The following FGF2 variants were observed in gnomAD, a reference collection of about 807,000 sequenced individuals.
FGF2 encodes fibroblast growth factor 2, also known as basic fibroblast growth factor bFGF.
In FGF2, 13 loss-of-function variants were observed where a neutral mutation model predicts 15.9. That is an observed-to-expected ratio of 0.82 (90% CI 0.53 to 1.30). The LOEUF is 1.30. FGF2 is among the 50% of genes most tolerant of loss of function. The pLI, the probability that FGF2 is intolerant of heterozygous loss-of-function variation, is 0.00. For synonymous variants in FGF2, 90 were observed against 78.4 expected (o/e 1.15, Z -0.78); for missense variants, 163 against 196.9 (o/e 0.83, Z 1.03).
rs1725667701 is a variant in FGF2 at position 122,827,468 on chromosome 4, TGGTTTCTGGCCGCGCGGCCCTCGGC to T, written c.178+123_178+147del. ...TTCACTGCGACCCTAGCGCTCCGTG[TGGTTTCTGGCCGCGCGGCCCTCGGC>T]GGTTTCGGGTTCACCACTCACCCCC... is the stretch of plus-strand genomic sequence containing the variant. On this transcript the variant is annotated intron_variant, in intron 1 of 2. Transcript: ENST00000644866. The surrounding 1 kb of genome is among the most constrained non-coding windows in gnomAD (Gnocchi z 4.2). 3 of 1,242,314 alleles carry T rather than the reference TGGTTTCTGGCCGCGCGGCCCTCGGC, an allele frequency of 2.4e-6. No homozygotes were observed. The highest frequency in any genetic ancestry group is 3.5e-6 in the Non-Finnish European group (3 of 869,458). The allele number at this position is 1,242,314 out of a possible 1,614,324, so 77.0% of individuals were successfully genotyped here. A position where few individuals can be genotyped will look rare whatever the true frequency, so the allele number is the denominator to read the frequency against.
intron 2 of FGF2, among the ~76,000 whole-genome samples, chr4:122,877,435 T>A (rs1267406557): frequency 3.3e-5 from 5 of 152,222 alleles, no homozygotes; most frequent in African/African-American, 1.2e-4. Context: ...TTTTCTTTTT[T>A]ACATGTTATC....
At chr4:122,862,500 G>T (rs1046260480) in intron 1 of FGF2, among the ~76,000 whole-genome samples, 14 of 152,160 alleles carry the variant, frequency 9.2e-5, no homozygotes, top group African/African-American at 3.4e-4. Context: ...CTAATGTGTT[G>T]AGTGCCAATG....
intron 1 of FGF2, among the ~76,000 whole-genome samples, chr4:122,834,620 A>C (rs1211680434): frequency 2.0e-5 from 3 of 152,194 alleles, no homozygotes; most frequent in African/African-American, 7.2e-5. Flanking sequence ...TCCTTTTGAA[A>C]CTGCCTTTGC....
At chr4:122,891,109 C>T (rs1727174510) in intron 2 of FGF2, among the ~76,000 whole-genome samples, 1 of 147,458 alleles carries the variant, frequency 6.8e-6, no homozygotes. Flanking sequence ...GGCGCGATCT[C>T]GGCTCACTGC....
intron 2 of FGF2, among the ~76,000 whole-genome samples, chr4:122,878,070 A>G (rs1222467741): frequency 6.6e-6 from 1 of 152,226 alleles, no homozygotes; most frequent in Non-Finnish European, 1.5e-5. Context: ...CATTGAGCTT[A>G]TAAAATTGAA....
upstream of FGF2, chr4:122,826,829 G>A: frequency 6.8e-7 from 1 of 1,472,882 alleles, no homozygotes; most frequent in Non-Finnish European, 9.0e-7. Context: ...GGCCCGGCGG[G>A]TGCCAGATTA....
chr4:122,830,973 T>C (rs1243528223), intron 1 of FGF2, among the ~76,000 whole-genome samples: 1 of 152,134 alleles, frequency 6.6e-6, no homozygotes, highest in Admixed American at 6.6e-5. Context: ...CACCCCAGTG[T>C]GGAGCAGGGG....
chr4:122,856,478 A>G (rs887069814), intron 1 of FGF2, among the ~76,000 whole-genome samples: 2 of 152,234 alleles, frequency 1.3e-5, no homozygotes, highest in African/African-American at 2.4e-5. Flanking sequence ...TGGAAGTTAC[A>G]CTAAAAGTAA....
chr4:122,888,512 GC>G (rs1727103793), intron 2 of FGF2, among the ~76,000 whole-genome samples: 1 of 152,096 alleles, frequency 6.6e-6, no homozygotes, highest in Admixed American at 6.6e-5. Flanking sequence ...TATGAGGTCT[GC>G]CCCCTCTCCC....
chr4:122,836,734 A>G (rs79624898), intron 1 of FGF2, among the ~76,000 whole-genome samples: 11,484 of 152,240 alleles, frequency 0.075, 646 homozygotes, highest in African/African-American at 0.15. Flanking sequence ...AAGTATAAAT[A>G]CTATAGTATG....
chr4:122,884,938 C>T (rs1727027829), intron 2 of FGF2, among the ~76,000 whole-genome samples: 1 of 152,084 alleles, frequency 6.6e-6, no homozygotes, highest in Non-Finnish European at 1.5e-5. Flanking sequence ...TCTTATTTTA[C>T]AGAGGAGGAA....
At chr4:122,845,348 T>C (rs1293912982) in intron 1 of FGF2, among the ~76,000 whole-genome samples, 2 of 152,220 alleles carry the variant, frequency 1.3e-5, no homozygotes, top group Admixed American at 6.5e-5. Flanking sequence ...AAATGAGCAT[T>C]GGCTTCCACT....
At chr4:122,846,183 T>A (rs1055267889) in intron 1 of FGF2, among the ~76,000 whole-genome samples, 1 of 152,212 alleles carries the variant, frequency 6.6e-6, no homozygotes, top group African/African-American at 2.4e-5. Flanking sequence ...TGCTGTCTTA[T>A]ATGGGTGTAG....
At chr4:122,878,264 C>T (rs1225678030) in intron 2 of FGF2, among the ~76,000 whole-genome samples, 2 of 152,082 alleles carry the variant, frequency 1.3e-5, no homozygotes, top group African/African-American at 2.4e-5. Flanking sequence ...GAGGTAATTA[C>T]ATTTTTCTAG....
At chr4:122,850,698 A>T (rs547195434) in intron 1 of FGF2, among the ~76,000 whole-genome samples, 2 of 152,194 alleles carry the variant, frequency 1.3e-5, no homozygotes. Context: ...AAAACTCCCA[A>T]GTAGCTAGTT....
In FGF2 at chr4:122,892,583, G is replaced by A. The variant is rs1727216746; in HGVS notation, c.*187G>A. On this transcript the variant is annotated 3_prime_UTR_variant, in exon 3 of 3. Coordinates refer to ENST00000644866, the MANE Select transcript of FGF2 (RefSeq NM_001361665.2). Reference sequence around the variant, plus strand: ...AGAAAAATAACAAAAGTTGTAAAATGTATATTCTCCCTTTTATATTGCATC... The same window carrying A: ...AGAAAAATAACAAAAGTTGTAAAATATATATTCTCCCTTTTATATTGCATC... 3.5e-6 allele frequency: 5 copies of A among 1,444,532 alleles called. No individual in the cohort carries two copies. The Admixed American group carries it at 1.1e-4, about 32-fold the overall frequency. 89.5% of individuals were successfully genotyped at this position (1,444,532 alleles called of 1,614,324 possible).
intron 2 of FGF2, 21 bp from the exon 3 acceptor site, chr4:122,892,190 A>C (rs960850964): frequency 1.3e-6 from 2 of 1,562,348 alleles, no homozygotes. Context: ...AATAACAGGT[A>C]ATTCTTCCTT....
At chr4:122,874,734 A>G (rs1234716111) in intron 1 of FGF2, among the ~76,000 whole-genome samples, 1 of 152,080 alleles carries the variant, frequency 6.6e-6, no homozygotes, top group Non-Finnish European at 1.5e-5. Context: ...GAAAAATTTT[A>G]AAACATAAAT....
Position 122,892,333 on chromosome 4 carries a change from T to C in FGF2, c.405T>C (p.Leu135=). Residue 135 remains leucine, a synonymous_variant, in exon 3 of 3, where the codon CTT becomes CTC. Coordinates refer to ENST00000644866, the MANE Select transcript of FGF2 (RefSeq NM_001361665.2). The part of the protein sequence containing the change: ...VALKRTGQYK[L]GSKTGPGQKA... Reference sequence around the variant, plus strand: ...TGAAACGAACTGGGCAGTATAAACTTGGATCCAAAACAGGACCTGGGCAGA... The same window carrying C: ...TGAAACGAACTGGGCAGTATAAACTCGGATCCAAAACAGGACCTGGGCAGA... 6.2e-7 allele frequency: 1 copy of C among 1,614,184 alleles called. No homozygotes were observed. Among genetic ancestry groups the C allele is most frequent in the Non-Finnish European group, 8.5e-7 (1 of 1,180,002 alleles).
Sources: allele counts gnomAD v4.1 joint callset (sites outside exome capture counted in the v4.1 genomes callset), GRCh38; gene constraint gnomAD v4.1.1; non-coding constraint Gnocchi (gnomAD v3.1); transcripts MANE v1.5; gene names NCBI Gene and HGNC (gene_info 2026-07-23, HGNC 2026-07-21).